Variants in HMGA2 observed in about 807,000 individuals in gnomAD.
The protein encoded by HMGA2 is high mobility group AT-hook 2, also known as high mobility group protein HMGI-C.
Under a neutral mutation model 19.1 loss-of-function variants are expected in HMGA2, and 8 were observed. The observed-to-expected ratio is 0.42, with a 90% confidence interval of 0.25 to 0.76. HMGA2 has a LOEUF of 0.76. Ranked by LOEUF, HMGA2 falls within the 30% of genes least tolerant of loss-of-function variation. HMGA2 has a pLI of 0.28. For synonymous variants in HMGA2, 60 were observed against 48.8 expected, an observed-to-expected ratio of 1.23 and a Z score of -0.96; for missense variants, 109 against 136.3, an observed-to-expected ratio of 0.80 and a Z score of 1.00.
At chr12:65,835,705 A>G (rs1238216650) in intron 2 of HMGA2, among the ~76,000 whole-genome samples, 2 of 151,984 alleles carry the variant, frequency 1.3e-5, no homozygotes, top group Non-Finnish European at 2.9e-5. Flanking sequence ...ACTCTTTCAG[A>G]AAAAAAACCT....
At chr12:65,871,968 GT>G (rs1872731582) in intron 3 of HMGA2, among the ~76,000 whole-genome samples, 1 of 152,192 alleles carries the variant, frequency 6.6e-6, no homozygotes. Context: ...ACTTTCTTGG[GT>G]TTAGGGGTCT....
intron 3 of HMGA2, among the ~76,000 whole-genome samples, chr12:65,907,619 C>T (rs941352680): frequency 5.9e-5 from 9 of 151,946 alleles, no homozygotes; most frequent in South Asian, 2.1e-4. Flanking sequence ...TCAATGACAG[C>T]GATTTGAGAA....
At chr12:65,850,559 T>C (rs1435864064) in intron 3 of HMGA2, among the ~76,000 whole-genome samples, 1 of 152,042 alleles carries the variant, frequency 6.6e-6, no homozygotes, top group East Asian at 1.9e-4. Flanking sequence ...CTGCTGGGAT[T>C]GTAATAATGT....
chr12:65,862,276 TACACACACAC>T (rs34442419), intron 3 of HMGA2, among the ~76,000 whole-genome samples: 8 of 144,566 alleles, frequency 5.5e-5, no homozygotes, highest in Non-Finnish European at 1.1e-4. Flanking sequence ...AAATGCACCA[TACACACACAC>T]ACACACACAC....
chr12:65,824,842 C>A lies in HMGA2; in HGVS notation c.-429C>A. The stretch of plus-strand genomic sequence containing the variant: ...TCAAGGGACACAATTCACTCCAAGT[C>A]TCTTCCCTTTCCAAGCCGCTTCCGA... On this transcript the variant is annotated 5_prime_UTR_variant, in exon 1 of 5. Coordinates refer to ENST00000403681, the MANE Select transcript of HMGA2 (RefSeq NM_003483.6). 4.0e-6 allele frequency: 1 copy of A among 253,164 alleles called. No homozygotes were observed. The highest frequency in any genetic ancestry group is 7.6e-6 in the Non-Finnish European group (1 of 131,274). The allele number at this position is 253,164 out of a possible 1,614,324, so 15.7% of individuals were successfully genotyped here.
chr12:65,947,274 T>G (rs1876301441), intron 3 of HMGA2, among the ~76,000 whole-genome samples: 1 of 152,066 alleles, frequency 6.6e-6, no homozygotes, highest in South Asian at 2.1e-4. Flanking sequence ...CATGCGCCAC[T>G]ATACCTGGCT....
intron 3 of HMGA2, among the ~76,000 whole-genome samples, chr12:65,895,854 T>C (rs187979641): frequency 6.6e-5 from 10 of 152,354 alleles, no homozygotes; most frequent in Admixed American, 2.0e-4. Flanking sequence ...TTCAGTATTA[T>C]ATGCTTTCCT....
chr12:65,918,108 T>C (rs1211907557), intron 3 of HMGA2, among the ~76,000 whole-genome samples: 2 of 152,190 alleles, frequency 1.3e-5, no homozygotes, highest in Admixed American at 1.3e-4. Flanking sequence ...GAAATGCCCT[T>C]GTGAAGTGCT....
chr12:65,963,642 C>T lies in HMGA2; in HGVS notation c.*350C>T, dbSNP rs534995821. On this transcript the variant is annotated 3_prime_UTR_variant, in exon 5 of 5. Coordinates refer to ENST00000403681, the MANE Select transcript of HMGA2 (RefSeq NM_003483.6). ...AGCAAGAGTGGGCGGGTGAGAAAAA[C>T]CGAATTGGGTTTAGTCAATCACTGC... is the stretch of plus-strand genomic sequence containing the variant. 6.0e-4 allele frequency: 243 copies of T among 404,608 alleles called. 1 individual carries two copies. Among genetic ancestry groups the T allele is most frequent in the African/African-American group, 4.7e-3 (231 of 49,654 alleles). The allele number at this position is 404,608 out of a possible 1,614,324, so 25.1% of individuals were successfully genotyped here.
At chr12:65,931,825 A>T (rs1198622358) in intron 3 of HMGA2, among the ~76,000 whole-genome samples, 10 of 152,096 alleles carry the variant, frequency 6.6e-5, no homozygotes, top group Non-Finnish European at 1.3e-4. Flanking sequence ...AGACAAGAGG[A>T]TCACTTAAGC....
At chr12:65,860,284 T>A (rs1180821349) in intron 3 of HMGA2, among the ~76,000 whole-genome samples, 5 of 152,220 alleles carry the variant, frequency 3.3e-5, no homozygotes, top group African/African-American at 9.6e-5. Flanking sequence ...AAGCCTGTTT[T>A]ATAAGAAAGT....
chr12:65,853,217 A>T (rs1871563912), intron 3 of HMGA2, among the ~76,000 whole-genome samples: 1 of 152,166 alleles, frequency 6.6e-6, no homozygotes, highest in Non-Finnish European at 1.5e-5. Context: ...AACTGGGGAG[A>T]AAAGAAAGTA....
chr12:65,858,958 C>A (rs1871897553), intron 3 of HMGA2: 1 of 152,148 alleles, frequency 6.6e-6, no homozygotes, highest in Admixed American at 6.5e-5. Context: ...ATATTGCCAC[C>A]CTTGACCTTT....
intron 3 of HMGA2, among the ~76,000 whole-genome samples, chr12:65,910,927 C>G (rs1465260252): frequency 6.6e-6 from 1 of 152,174 alleles, no homozygotes; most frequent in African/African-American, 2.4e-5. Flanking sequence ...TTAGTAGTCA[C>G]TGAATGCCAG....
chr12:65,947,615 G>A (rs1565740351), intron 3 of HMGA2, among the ~76,000 whole-genome samples: 1 of 152,184 alleles, frequency 6.6e-6, no homozygotes, highest in Non-Finnish European at 1.5e-5. Context: ...AAATCTCAGT[G>A]CATTGAAGGG....
At chr12:65,908,075 A>C (rs1173233573) in intron 3 of HMGA2, among the ~76,000 whole-genome samples, 1 of 152,216 alleles carries the variant, frequency 6.6e-6, no homozygotes, top group Admixed American at 6.5e-5. Context: ...TTGTGGAGAA[A>C]AGAAGGCCAA....
At chr12:65,890,677 T>TG (rs1873864086) in intron 3 of HMGA2, among the ~76,000 whole-genome samples, 1 of 152,028 alleles carries the variant, frequency 6.6e-6, no homozygotes, top group Non-Finnish European at 1.5e-5. Flanking sequence ...AAGTCCTTCT[T>TG]GGATTAAGCT....
intron 3 of HMGA2, among the ~76,000 whole-genome samples, chr12:65,899,002 C>G (rs1455503282): frequency 1.4e-5 from 2 of 142,138 alleles, no homozygotes; most frequent in African/African-American, 2.8e-5. Context: ...GGAGATCGTG[C>G]CACGGCACTC....
In HMGA2 at chr12:65,863,447, GTCCTGGT is replaced by G. The variant is rs146570163; in HGVS notation, c.249+24882_249+24888del. ...AAGCCAAAACAGGGCACAAGTGCAA[GTCCTGGT>G]TCCCGAAATTGACTGCACCTTCCTT... On this transcript the variant is annotated intron_variant, in intron 3 of 4. Coordinates refer to ENST00000403681, the MANE Select transcript of HMGA2 (RefSeq NM_003483.6). Among the ~76,000 whole-genome samples, 1,449 of 152,298 alleles carry G rather than the reference GTCCTGGT, an allele frequency of 9.5e-3. 23 individuals carry two copies. The highest frequency in any genetic ancestry group is 0.033 in the African/African-American group (1,372 of 41,552).
Sources: allele counts gnomAD v4.1 joint callset (sites outside exome capture counted in the v4.1 genomes callset), GRCh38; gene constraint gnomAD v4.1.1; transcripts MANE v1.5; gene names NCBI Gene and HGNC (gene_info 2026-07-23, HGNC 2026-07-21).